Variants in BFSP2 observed in about 807,000 individuals in gnomAD.
The protein encoded by BFSP2 is beaded filament structural protein 2, also known as phakinin.
A neutral mutation model predicts 44.9 loss-of-function variants in BFSP2; 38 were observed. The observed-to-expected ratio is 0.85, with a 90% CI of 0.65 to 1.11. The LOEUF (loss-of-function observed/expected upper bound fraction) is 1.11. Ranked by LOEUF, BFSP2 falls within the 50% of genes least tolerant of loss-of-function variation. BFSP2 has a pLI of 0.00. For synonymous variants in BFSP2, 197 were observed against 209.9 expected (o/e 0.94, Z 0.53); for missense variants, 525 against 533.0 (o/e 0.99, Z 0.15).
intron 1 of BFSP2, among the ~76,000 whole-genome samples, chr3:133,425,784 G>GGAAGGGAAGGGAA (rs1553779081): frequency 0.16 from 2,056 of 13,190 alleles, 112 homozygotes; most frequent in African/African-American, 0.33. Context: ...AAAGGGAAAG[G>GGAAGGGAAGGGAA]GAAGGGAAGG....
chr3:133,419,212 G>A (rs1230190609), intron 1 of BFSP2, among the ~76,000 whole-genome samples: 5 of 152,062 alleles, frequency 3.3e-5, no homozygotes, highest in South Asian at 2.1e-4. Context: ...CATTTTAACC[G>A]AATTACCTCT....
At chr3:133,431,643 C>T (rs56390959) in intron 1 of BFSP2, among the ~76,000 whole-genome samples, 24,746 of 152,052 alleles carry the variant, frequency 0.16, 2,865 homozygotes, top group African/African-American at 0.32. Context: ...TCACGGACGC[C>T]GAGCTTTAGG....
chr3:133,453,836 T>C (rs937937991), intron 4 of BFSP2, among the ~76,000 whole-genome samples: 5 of 152,208 alleles, frequency 3.3e-5, no homozygotes, highest in African/African-American at 1.2e-4. Flanking sequence ...TTTTCAGTCA[T>C]TAAAAGCTTA....
At chr3:133,450,261 T>C in intron 3 of BFSP2, 42 bp from the exon 4 acceptor site, 1 of 1,610,108 alleles carries the variant, frequency 6.2e-7, no homozygotes, top group Non-Finnish European at 8.5e-7. Context: ...TGCCATTTAT[T>C]TCCCCCCGTA....
At chr3:133,451,755 G>A (rs1000295738) in intron 4 of BFSP2, among the ~76,000 whole-genome samples, 2 of 152,124 alleles carry the variant, frequency 1.3e-5, no homozygotes, top group East Asian at 1.9e-4. Flanking sequence ...TCAAGTTTTT[G>A]TTAAATAGTA....
chr3:133,421,835 G>A (rs564980618), intron 1 of BFSP2, among the ~76,000 whole-genome samples: 12 of 152,194 alleles, frequency 7.9e-5, no homozygotes, highest in Non-Finnish European at 1.0e-4. Flanking sequence ...CTGGCTGGGC[G>A]TGGTGGCTCA....
intron 4 of BFSP2, among the ~76,000 whole-genome samples, chr3:133,454,571 C>T (rs2073996123): frequency 6.6e-6 from 1 of 152,146 alleles, no homozygotes; most frequent in Non-Finnish European, 1.5e-5. Context: ...GATGAACTGG[C>T]TATAAATTAG....
At chr3:133,457,527 AT>A (rs2074023090) in intron 4 of BFSP2, among the ~76,000 whole-genome samples, 1 of 152,106 alleles carries the variant, frequency 6.6e-6, no homozygotes, top group Non-Finnish European at 1.5e-5. Context: ...TTTCAGAAAC[AT>A]TTTACCCATA....
At chr3:133,426,279 C>T (rs2073653669) in intron 1 of BFSP2, among the ~76,000 whole-genome samples, 1 of 151,990 alleles carries the variant, frequency 6.6e-6, no homozygotes, top group Admixed American at 6.5e-5. Context: ...GGCTGCCCTC[C>T]CAAATGCCCC....
chr3:133,437,848 C>G (rs6762405), intron 1 of BFSP2, among the ~76,000 whole-genome samples: 1 of 151,898 alleles, frequency 6.6e-6, no homozygotes, highest in African/African-American at 2.4e-5. Flanking sequence ...AGTGGGGAAG[C>G]AAAACAATGA....
intron 1 of BFSP2, among the ~76,000 whole-genome samples, chr3:133,423,809 T>G (rs1395044666): frequency 1.3e-5 from 2 of 152,002 alleles, no homozygotes; most frequent in Admixed American, 1.3e-4. Context: ...AGCGGCAAAA[T>G]GTTCTTTGTG....
In BFSP2 at chr3:133,475,098, T is replaced by C. The variant is rs2107948080; in HGVS notation, c.*126T>C. ...ATTCCCTGGTTAATTCAGCTTGAGC[T>C]GAAAAGCTTCCTGGAAGTGGAGAGG... On this transcript the variant is annotated 3_prime_UTR_variant, in exon 7 of 7. Coordinates refer to ENST00000302334, the MANE Select transcript of BFSP2 (RefSeq NM_003571.4). 1 of 1,385,054 alleles carries C rather than the reference T, an allele frequency of 7.2e-7. No homozygotes were observed. The highest frequency in any genetic ancestry group is 1.0e-6 in the Non-Finnish European group (1 of 974,652). The allele number at this position is 1,385,054 out of a possible 1,614,324, so 85.8% of individuals were successfully genotyped here.
chr3:133,425,982 AGGC>A (rs2073649465), intron 1 of BFSP2, among the ~76,000 whole-genome samples: 2 of 940 alleles, frequency 2.1e-3, no homozygotes, highest in Non-Finnish European at 1.9e-3. Context: ...GGGGAGGGGA[AGGC>A]AGGGCAGGGC....
chr3:133,444,656 C>T (rs1232787598), intron 1 of BFSP2, among the ~76,000 whole-genome samples: 2 of 152,108 alleles, frequency 1.3e-5, no homozygotes, highest in Admixed American at 6.5e-5. Flanking sequence ...ACGGAGCGGT[C>T]ACCCCTAATT....
intron 1 of BFSP2, chr3:133,412,294 G>A (rs2073462338): frequency 6.6e-6 from 1 of 152,260 alleles, no homozygotes; most frequent in Non-Finnish European, 1.5e-5. Context: ...GCAGCTAGAA[G>A]ACCTACCTCA....
At chr3:133,447,273 G>T in intron 1 of BFSP2, 44 bp from the exon 2 acceptor site, 1 of 1,604,320 alleles carries the variant, frequency 6.2e-7, no homozygotes, top group Non-Finnish European at 8.5e-7. Context: ...TGATCTTGAC[G>T]CTCCCAGTGA....
At chr3:133,436,643 C>A (rs557828688) in intron 1 of BFSP2, among the ~76,000 whole-genome samples, 3 of 152,084 alleles carry the variant, frequency 2.0e-5, no homozygotes, top group Non-Finnish European at 2.9e-5. Context: ...TCTAGGGTAC[C>A]TGTGCACAAC....
At chr3:133,451,514 C>T (rs56355223) in intron 4 of BFSP2, among the ~76,000 whole-genome samples, 4,986 of 152,256 alleles carry the variant, frequency 0.033, 276 homozygotes, top group African/African-American at 0.11. Flanking sequence ...TAGCTGTGTT[C>T]CAATAAAACT....
At chr3:133,461,390 C>A (rs1446879157) in intron 4 of BFSP2, among the ~76,000 whole-genome samples, 1 of 152,212 alleles carries the variant, frequency 6.6e-6, no homozygotes, top group Non-Finnish European at 1.5e-5. Context: ...TAATTGCACT[C>A]CTACCCTGCT....
Sources: gnomAD v4.1 joint callset for allele counts (sites outside exome capture counted in the v4.1 genomes callset) on GRCh38, gnomAD v4.1.1 for gene constraint, MANE v1.5 for transcripts, NCBI Gene and HGNC (gene_info 2026-07-23, HGNC 2026-07-21) for gene names.